The following NCAM2 variants were observed in gnomAD, a reference collection of about 807,000 sequenced individuals.
The protein encoded by NCAM2 is N-CAM-2.
In NCAM2, 30 loss-of-function variants were observed where a neutral mutation model predicts 98.1. That is an observed-to-expected ratio of 0.31 (90% CI 0.23 to 0.41). The LOEUF is 0.41. Ranked by LOEUF, NCAM2 falls within the 10% of genes least tolerant of loss-of-function variation. NCAM2 has a pLI of 1.00. For synonymous variants in NCAM2, 368 were observed against 342.4 expected, an observed-to-expected ratio of 1.07 and a Z score of -0.83; for missense variants, 867 against 1,005.8, an observed-to-expected ratio of 0.86 and a Z score of 1.87.
intron 1 of NCAM2, among the ~76,000 whole-genome samples, chr21:21,042,626 G>A (rs2064929354): frequency 6.6e-6 from 1 of 152,100 alleles, no homozygotes; most frequent in African/African-American, 2.4e-5. Flanking sequence ...ATCTCTAAAT[G>A]AGGAATGTTG....
chr21:21,134,674 CACTT>C (rs1249132123), intron 1 of NCAM2, among the ~76,000 whole-genome samples: 1 of 148,172 alleles, frequency 6.7e-6, no homozygotes, highest in Non-Finnish European at 1.5e-5. Context: ...TTTTTCATTT[CACTT>C]ACTTCCAGTT....
chr21:21,141,182 T>G (rs891427654), intron 1 of NCAM2, among the ~76,000 whole-genome samples: 1 of 152,132 alleles, frequency 6.6e-6, no homozygotes, highest in Admixed American at 6.5e-5. Flanking sequence ...GGTTTTCAAG[T>G]TTTTCGCTAG....
At chr21:21,523,210 A>G (rs1045776811) in intron 16 of NCAM2, among the ~76,000 whole-genome samples, 1 of 151,920 alleles carries the variant, frequency 6.6e-6, no homozygotes, top group Non-Finnish European at 1.5e-5. Flanking sequence ...CCATCTGTCC[A>G]TTTTTTGTTT....
chr21:21,246,644 T>C (rs1048684983), intron 1 of NCAM2, among the ~76,000 whole-genome samples: 9 of 152,204 alleles, frequency 5.9e-5, no homozygotes, highest in African/African-American at 1.9e-4. Context: ...CTATTTCATC[T>C]TTATTGCAGT....
intron 1 of NCAM2, among the ~76,000 whole-genome samples, chr21:21,142,783 A>T (rs1011256767): frequency 1.3e-5 from 2 of 152,206 alleles, no homozygotes; most frequent in Non-Finnish European, 2.9e-5. Context: ...CATCTGTATT[A>T]TATGCACTTT....
chr21:21,438,947 G>T (rs1423230357), intron 12 of NCAM2, among the ~76,000 whole-genome samples: 1 of 152,012 alleles, frequency 6.6e-6, no homozygotes. Context: ...TTAGTTGGGT[G>T]TGAAGGAATG....
chr21:21,487,865 T>C (rs1453223708), intron 15 of NCAM2, among the ~76,000 whole-genome samples: 1 of 152,148 alleles, frequency 6.6e-6, no homozygotes, highest in Admixed American at 6.5e-5. Context: ...AATGTATTCT[T>C]ACGTGGAAAA....
intron 1 of NCAM2, among the ~76,000 whole-genome samples, chr21:21,013,759 C>T (rs1216758417): frequency 7.2e-6 from 1 of 139,286 alleles, no homozygotes; most frequent in African/African-American, 2.7e-5. Flanking sequence ...CTAGTCTGGG[C>T]AAAAAGAGTG....
Position 21,441,794 on chromosome 21 carries a change from A to C in NCAM2, c.1654+9513A>C, listed in dbSNP as rs534169752. 2.0e-5 allele frequency among the ~76,000 whole-genome samples: 3 copies of C among 152,264 alleles called. No homozygotes were observed. The East Asian group carries it at 5.8e-4, about 30-fold the overall frequency. ...GCTAACAAAAGTGCCCTTAGGCTGGAGTGGGCTTGTTTGATTAAGGAACAA... is the reference window on the plus strand; with the variant it reads ...GCTAACAAAAGTGCCCTTAGGCTGGCGTGGGCTTGTTTGATTAAGGAACAA... On this transcript the variant is annotated intron_variant, in intron 12 of 17. Coordinates refer to ENST00000400546, the MANE Select transcript of NCAM2 (RefSeq NM_004540.5).
At chr21:21,409,131 C>A (rs890485042) in intron 9 of NCAM2, among the ~76,000 whole-genome samples, 1 of 151,984 alleles carries the variant, frequency 6.6e-6, no homozygotes, top group Non-Finnish European at 1.5e-5. Context: ...ATTATGCTTT[C>A]ATGTAAAAAT....
At chr21:21,453,989 A>G (rs1981736313) in intron 12 of NCAM2, among the ~76,000 whole-genome samples, 1 of 152,032 alleles carries the variant, frequency 6.6e-6, no homozygotes, top group South Asian at 2.1e-4. Context: ...GAATTTTTAA[A>G]CAGTATGATG....
At chr21:21,066,728 A>C (rs2065446646) in intron 1 of NCAM2, among the ~76,000 whole-genome samples, 2 of 152,146 alleles carry the variant, frequency 1.3e-5, no homozygotes, top group Admixed American at 1.3e-4. Flanking sequence ...CCAGATTTAC[A>C]TTTGAAATAT....
chr21:21,312,193 C>T (rs1048947001), intron 5 of NCAM2, among the ~76,000 whole-genome samples: 2 of 151,898 alleles, frequency 1.3e-5, no homozygotes, highest in African/African-American at 4.8e-5. Context: ...ATAGTTTGCT[C>T]AGAGATTTTA....
chr21:21,046,338 A>C (rs2065007396), intron 1 of NCAM2, among the ~76,000 whole-genome samples: 1 of 152,160 alleles, frequency 6.6e-6, no homozygotes, highest in Non-Finnish European at 1.5e-5. Context: ...TAATTTTAAA[A>C]GTGGTTCCTG....
At chr21:21,512,562 G>T (rs985928638) in intron 16 of NCAM2, among the ~76,000 whole-genome samples, 2 of 151,850 alleles carry the variant, frequency 1.3e-5, no homozygotes, top group Non-Finnish European at 2.9e-5. Flanking sequence ...GATGGTTTTG[G>T]CTCTTGTGGG....
At chr21:21,102,608 C>T (rs2066266432) in intron 1 of NCAM2, among the ~76,000 whole-genome samples, 1 of 151,746 alleles carries the variant, frequency 6.6e-6, no homozygotes, top group Non-Finnish European at 1.5e-5. Flanking sequence ...GCGTAAAGCT[C>T]TGTGATAAGT....
intron 1 of NCAM2, among the ~76,000 whole-genome samples, chr21:21,233,280 A>G (rs1272663716): frequency 6.6e-6 from 1 of 151,662 alleles, no homozygotes; most frequent in African/African-American, 2.4e-5. Context: ...TGCTAGCAGC[A>G]TTAAAAAGAT....
intron 11 of NCAM2, among the ~76,000 whole-genome samples, chr21:21,431,246 T>C (rs1343663290): frequency 6.6e-6 from 1 of 151,424 alleles, no homozygotes; most frequent in African/African-American, 2.4e-5. Context: ...AAGAGATTCA[T>C]AGAGAAATTA....
intron 8 of NCAM2, among the ~76,000 whole-genome samples, chr21:21,352,989 G>T (rs1470548991): frequency 1.3e-5 from 2 of 151,958 alleles, no homozygotes; most frequent in African/African-American, 4.8e-5. Flanking sequence ...GAGTAGCTGG[G>T]ATTACAGGTG....
Sources: gnomAD v4.1 joint callset for allele counts (sites outside exome capture counted in the v4.1 genomes callset) on GRCh38, gnomAD v4.1.1 for gene constraint, MANE v1.5 for transcripts, NCBI Gene and HGNC (gene_info 2026-07-23, HGNC 2026-07-21) for gene names.